Variants in CEP152 observed in about 807,000 individuals in gnomAD.
CEP152 encodes the protein centrosomal protein 152, also known as centrosomal protein of 152 kDa.
A neutral mutation model predicts 188.9 loss-of-function variants in CEP152; 132 were observed. The observed-to-expected ratio is 0.70, with a 90% CI of 0.61 to 0.81. CEP152 has a LOEUF of 0.81. CEP152 is among the 30% of genes least tolerant of loss of function. CEP152 has a pLI of 0.00. For missense variants in CEP152, 1,914 were observed against 1,969.8 expected (o/e 0.97, Z 0.54); for synonymous variants, 649 against 666.6 (o/e 0.97, Z 0.41).
chr15:48,776,762 C>T (rs998194656), intron 12 of CEP152, among the ~76,000 whole-genome samples: 1 of 151,846 alleles, frequency 6.6e-6, no homozygotes, highest in African/African-American at 2.4e-5. Flanking sequence ...ACATACAAAA[C>T]AGGTGATGTG....
At position 48,755,898 on chromosome 15, in the gene CEP152, C is replaced by A. The variant is rs1468540872; in HGVS notation, c.3345+5G>T. On this transcript the variant is annotated splice_donor_5th_base_variant and intron_variant, in intron 20 of 26. Coordinates refer to ENST00000380950, the MANE Select transcript of CEP152 (RefSeq NM_001194998.2). ...CAATACCTTCTCTCACTCTCAGGAA[C>A]ATACCTTTTTCCATTCTGGGTCAGC... 1 of 1,613,496 alleles carries A rather than the reference C, an allele frequency of 6.2e-7. No individual in the cohort carries two copies. Among genetic ancestry groups the A allele is most frequent in the Non-Finnish European group, 8.5e-7 (1 of 1,179,892 alleles).
At chr15:48,803,549 AATC>A (rs1341727331) in intron 2 of CEP152, among the ~76,000 whole-genome samples, 5 of 152,210 alleles carry the variant, frequency 3.3e-5, no homozygotes, top group African/African-American at 7.2e-5. Flanking sequence ...ATTTAACCAT[AATC>A]ATCATGTTAG....
intron 14 of CEP152, 46 bp downstream of exon 14, chr15:48,768,910 G>A: frequency 1.5e-6 from 2 of 1,331,916 alleles, no homozygotes; most frequent in Non-Finnish European, 2.1e-6. Flanking sequence ...TGTATTTAAT[G>A]AGGAAATAAA....
At position 48,756,290 on chromosome 15, in the gene CEP152, G is replaced by A; in HGVS notation, c.2958C>T (p.His986=). The A allele has an allele frequency of 1.9e-6, 3 of 1,576,878 alleles. No individual in the cohort carries two copies. The highest frequency in any genetic ancestry group is 2.6e-6 in the Non-Finnish European group (3 of 1,164,560). The part of the protein sequence containing the change: ...EQDYRQFLDD[H]RNKINEVLAA... Reference sequence around the variant, plus strand: ...CAAGCACCTCATTAATTTTATTTCGGTGATCATCTAAAAATTGCCGGTAAT... The same window carrying A: ...CAAGCACCTCATTAATTTTATTTCGATGATCATCTAAAAATTGCCGGTAAT... The change falls in exon 20 of 27, where the codon CAC becomes CAT. Residue 986 remains histidine (H), a synonymous_variant. Coordinates refer to ENST00000380950, the MANE Select transcript of CEP152 (RefSeq NM_001194998.2).
chr15:48,784,008 T>A lies in CEP152; in HGVS notation c.1286A>T (p.Glu429Val). 6.2e-7 allele frequency: 1 copy of A among 1,613,814 alleles called. No individual in the cohort carries two copies. The highest frequency in any genetic ancestry group is 8.5e-7 in the Non-Finnish European group (1 of 1,179,900). ...CAAGTGGGCACACTGCTTTTGACTC[T>A]CCTCTAGACTTCTTGTCAACTTATT... ...IINKLTRSLE[E>V]SQKQCAHLLQ... Residue 429 changes from glutamate (E) to valine (V), a missense_variant, in exon 10 of 27, where the codon GAG becomes GTG. Glu to Val is a moderately radical substitution (Grantham distance 121). Transcript: ENST00000380950.
At chr15:48,734,710 G>A (rs545790799), downstream of CEP152, among the ~76,000 whole-genome samples, 19 of 152,108 alleles carry the variant, frequency 1.2e-4, no homozygotes, top group Admixed American at 7.9e-4. Flanking sequence ...GTAATCATAA[G>A]AGAGCTGCAG....
At chr15:48,752,627 G>C (rs1353307777) in intron 20 of CEP152, among the ~76,000 whole-genome samples, 158 bp from the exon 21 acceptor site, 1 of 152,140 alleles carries the variant, frequency 6.6e-6, no homozygotes, top group Non-Finnish European at 1.5e-5. Context: ...TGTTATATAA[G>C]TACTGTCACT....
rs1896845809 is a variant in CEP152 at position 48,789,006 on chromosome 15, TAAATACACACAGGATATCCATGTTTA to T, written c.973-31_973-6del. On this transcript the variant is annotated splice_polypyrimidine_tract_variant and splice_region_variant and intron_variant, in intron 8 of 26. Coordinates refer to ENST00000380950, the MANE Select transcript of CEP152 (RefSeq NM_001194998.2). ...TGTTCTGGACTTCTTGATCATCTAG[TAAATACACACAGGATATCCATGTTTA>T]AAATATACACAGAGTATTTTAGCTC... is the stretch of plus-strand genomic sequence containing the variant. 6.2e-7 allele frequency: 1 copy of T among 1,612,464 alleles called. No homozygotes were observed. The highest frequency in any genetic ancestry group is 8.5e-7 in the Non-Finnish European group (1 of 1,178,454).
chr15:48,749,194 G>C (rs1893694805), intron 21 of CEP152, among the ~76,000 whole-genome samples: 1 of 151,984 alleles, frequency 6.6e-6, no homozygotes, highest in Non-Finnish European at 1.5e-5. Context: ...TAAGTGGGTT[G>C]GTAAGTAGGT....
chr15:48,742,181 A>C, intron 24 of CEP152, 81 bp from the exon 25 acceptor site: 1 of 1,236,970 alleles, frequency 8.1e-7, no homozygotes, highest in Non-Finnish European at 1.2e-6. Flanking sequence ...ACTTCAGATC[A>C]ATTTTCTGGT....
At chr15:48,746,346 AAAT>A (rs1893422341) in intron 22 of CEP152, among the ~76,000 whole-genome samples, 1 of 152,150 alleles carries the variant, frequency 6.6e-6, no homozygotes, top group South Asian at 2.1e-4. Context: ...TATTATTTAT[AAAT>A]AATAGTCATA....
chr15:48,757,355 T>C (rs967338848), intron 19 of CEP152, among the ~76,000 whole-genome samples: 6 of 152,214 alleles, frequency 3.9e-5, no homozygotes, highest in Admixed American at 1.3e-4. Flanking sequence ...TAGCATCCTT[T>C]AGGATTAAAT....
intron 26 of CEP152, 77 bp downstream of exon 26, chr15:48,741,524 C>T (rs1459667502): frequency 1.2e-6 from 2 of 1,610,722 alleles, no homozygotes; most frequent in Non-Finnish European, 1.7e-6. Flanking sequence ...ACCTTCCCTG[C>T]CTTCTTCATA....
At chr15:48,769,131 T>G in intron 13 of CEP152, 50 bp from the exon 14 acceptor site, 1 of 1,489,432 alleles carries the variant, frequency 6.7e-7, no homozygotes, top group Non-Finnish European at 9.3e-7. Context: ...AATTCTAAGT[T>G]TCACTTTGAA....
At chr15:48,737,141 G>A (rs888956693), downstream of CEP152, among the ~76,000 whole-genome samples, 3 of 152,050 alleles carry the variant, frequency 2.0e-5, no homozygotes, top group South Asian at 2.1e-4. Flanking sequence ...TTTCCTTCTC[G>A]GTTCTTGCTT....
intron 2 of CEP152, among the ~76,000 whole-genome samples, chr15:48,802,755 A>G (rs1025281799): frequency 6.6e-6 from 1 of 152,196 alleles, no homozygotes; most frequent in African/African-American, 2.4e-5. Context: ...TGTTAAAGGC[A>G]CTTTCTCCCT....
intron 8 of CEP152, among the ~76,000 whole-genome samples, chr15:48,789,933 G>A (rs1043995774): frequency 1.3e-5 from 2 of 152,180 alleles, no homozygotes; most frequent in Non-Finnish European, 2.9e-5. Flanking sequence ...TGAATTTGTG[G>A]TCATCTGTTA....
chr15:48,764,731 T>C (rs918176336), intron 17 of CEP152, among the ~76,000 whole-genome samples: 1 of 152,158 alleles, frequency 6.6e-6, no homozygotes, highest in African/African-American at 2.4e-5. Context: ...ACTAAAAGCT[T>C]TAAAACTTGG....
At chr15:48,772,050 C>T (rs1488397078) in intron 13 of CEP152, among the ~76,000 whole-genome samples, 2 of 152,166 alleles carry the variant, frequency 1.3e-5, no homozygotes, top group Admixed American at 1.3e-4. Context: ...AATGGCATTT[C>T]CTTCTTTAAA....
Sources: allele counts gnomAD v4.1 joint callset (sites outside exome capture counted in the v4.1 genomes callset), GRCh38; gene constraint gnomAD v4.1.1; transcripts MANE v1.5; gene names NCBI Gene and HGNC (gene_info 2026-07-23, HGNC 2026-07-21).